CHSY1: variants seen among roughly 807,000 people sequenced by gnomAD.
CHSY1 encodes chondroitin sulfate synthase 1, also known as N-acetylgalactosaminyl-proteoglycan 3-beta-glucuronosyltransferase 1.
A neutral mutation model predicts 59.8 loss-of-function variants in CHSY1; 13 were observed. The ratio of observed to expected loss-of-function variants is 0.22; its 90% CI spans 0.14 to 0.35. The LOEUF is 0.35. CHSY1 is among the 10% of genes least tolerant of loss of function. The pLI, the probability that CHSY1 is intolerant of heterozygous loss-of-function variation, is 1.00. For missense variants in CHSY1, 947 were observed against 1,030.6 expected (o/e 0.92, Z 1.11); for synonymous variants, 459 against 401.2 (o/e 1.14, Z -1.72).
intron 2 of CHSY1, among the ~76,000 whole-genome samples, chr15:101,200,580 C>T (rs374235074): frequency 6.6e-6 from 1 of 152,184 alleles, no homozygotes; most frequent in African/African-American, 2.4e-5. Flanking sequence ...CTAAGAACAC[C>T]TGCCAGCCCC....
At chr15:101,204,481 T>A (rs1026149818) in intron 2 of CHSY1, among the ~76,000 whole-genome samples, 2 of 149,020 alleles carry the variant, frequency 1.3e-5, no homozygotes, top group Non-Finnish European at 3.0e-5. Flanking sequence ...TGTACACTTA[T>A]AGAGAAAATG....
chr15:101,247,754 C>T (rs1342724264), intron 1 of CHSY1, among the ~76,000 whole-genome samples: 3 of 152,036 alleles, frequency 2.0e-5, no homozygotes, highest in South Asian at 4.2e-4. Flanking sequence ...ATCTTGGTGG[C>T]CCCCATCCAT....
At chr15:101,246,164 T>C (rs539054482) in intron 1 of CHSY1, among the ~76,000 whole-genome samples, 2 of 152,312 alleles carry the variant, frequency 1.3e-5, no homozygotes, top group South Asian at 4.1e-4. Flanking sequence ...TGCTAATCTG[T>C]AATGGTGCCC....
intron 2 of CHSY1, among the ~76,000 whole-genome samples, chr15:101,231,011 G>A (rs1054282094): frequency 6.6e-5 from 10 of 152,192 alleles, no homozygotes; most frequent in African/African-American, 1.4e-4. Context: ...GTGTGCGGGT[G>A]TAACATGAAC....
intron 2 of CHSY1, among the ~76,000 whole-genome samples, chr15:101,211,441 T>G (rs1485715879): frequency 6.6e-6 from 1 of 152,310 alleles, no homozygotes; most frequent in Admixed American, 6.5e-5. Context: ...TGAAAAAGAA[T>G]ACTGAAAATA....
chr15:101,207,711 C>T (rs2014190), intron 2 of CHSY1, among the ~76,000 whole-genome samples: 6,230 of 152,342 alleles, frequency 0.041, 352 homozygotes, highest in East Asian at 0.19. Flanking sequence ...AATTTACCAA[C>T]AGGTTTTTAA....
chr15:101,218,853 G>C (rs987669539), intron 2 of CHSY1, among the ~76,000 whole-genome samples: 1 of 152,142 alleles, frequency 6.6e-6, no homozygotes, highest in Admixed American at 6.5e-5. Flanking sequence ...AGAAATGTAA[G>C]AACCAGGAAA....
intron 2 of CHSY1, among the ~76,000 whole-genome samples, chr15:101,197,358 G>A (rs1298431939): frequency 6.6e-6 from 1 of 152,178 alleles, no homozygotes; most frequent in Non-Finnish European, 1.5e-5. Context: ...CTGCCCAAAT[G>A]TAAGTTTAAT....
chr15:101,244,833 TA>T (rs1426640787), intron 1 of CHSY1, among the ~76,000 whole-genome samples: 4 of 152,352 alleles, frequency 2.6e-5, no homozygotes, highest in Admixed American at 2.6e-4. Context: ...ATGAATCAGT[TA>T]AGTCAATTTT....
rs368841607 is a variant in CHSY1, at chr15:101,200,069, G to GCA, written c.817-21091_817-21090dup. Among the ~76,000 whole-genome samples, 496 of 152,298 alleles carry GCA rather than the reference G, an allele frequency of 3.3e-3. 4 individuals carry two copies. Among genetic ancestry groups the GCA allele is most frequent in the East Asian group, 0.028 (147 of 5,190 alleles). On this transcript the variant is annotated intron_variant, in intron 2 of 2. Coordinates refer to ENST00000254190, the MANE Select transcript of CHSY1 (RefSeq NM_014918.5). The stretch of plus-strand genomic sequence containing the variant: ...TACTCACTATATGCCCGGTACTGTG[G>GCA]CAGTTATCCAATATTCTACAACATA...
chr15:101,225,105 G>C (rs1344372159), intron 2 of CHSY1, among the ~76,000 whole-genome samples: 1 of 152,228 alleles, frequency 6.6e-6, no homozygotes, highest in East Asian at 1.9e-4. Flanking sequence ...ACAGCTTACA[G>C]TATTCTGCCT....
At chr15:101,195,358 C>A (rs537445140) in intron 2 of CHSY1, among the ~76,000 whole-genome samples, 1 of 152,226 alleles carries the variant, frequency 6.6e-6, no homozygotes, top group South Asian at 2.1e-4. Context: ...CTAAATAAAA[C>A]CAAGCTATCC....
rs2038836526 is a variant in CHSY1 at position 101,225,887 on chromosome 15, CTA to C, written c.816+9193_816+9194del. Among the ~76,000 whole-genome samples, 3 of 152,182 alleles carry C rather than the reference CTA, an allele frequency of 2.0e-5. No homozygotes were observed. In the South Asian group the frequency reaches 6.2e-4, roughly 32 times the overall value. On this transcript the variant is annotated intron_variant, in intron 2 of 2. Coordinates refer to ENST00000254190, the MANE Select transcript of CHSY1 (RefSeq NM_014918.5). ...AATGTATACAGGAAATGCCACTGTG[CTA>C]TGTCTTAAGATAAAGAAAACGATAT...
chr15:101,176,632 A>G lies in CHSY1; in HGVS notation c.*756T>C. Reference sequence around the variant, plus strand: ...TGCATGGTGAAACCCCGTCTCTACTAAAAATACAAAAAAACTAGCTGGGCG... The same window carrying G: ...TGCATGGTGAAACCCCGTCTCTACTGAAAATACAAAAAAACTAGCTGGGCG... On this transcript the variant is annotated 3_prime_UTR_variant, in exon 3 of 3. Coordinates refer to ENST00000254190, the MANE Select transcript of CHSY1 (RefSeq NM_014918.5). 1 of 366,912 alleles carries G rather than the reference A, an allele frequency of 2.7e-6. No individual in the cohort carries two copies. Among genetic ancestry groups the G allele is most frequent in the Non-Finnish European group, 4.8e-6 (1 of 206,854 alleles). 22.7% of individuals were successfully genotyped at this position (366,912 alleles called of 1,614,324 possible). A position where few individuals can be genotyped will look rare whatever the true frequency, so the allele number is the denominator to read the frequency against.
Position 101,238,499 on chromosome 15 carries a change from T to C in CHSY1, c.321-2922A>G, listed in dbSNP as rs182398867. Among the ~76,000 whole-genome samples, 6 of 152,320 alleles carry C rather than the reference T, an allele frequency of 3.9e-5. No homozygotes were observed. The East Asian group carries it at 9.6e-4, about 24-fold the overall frequency. On this transcript the variant is annotated intron_variant, in intron 1 of 2. Coordinates refer to ENST00000254190, the MANE Select transcript of CHSY1 (RefSeq NM_014918.5). ...GCAAGGATTAAATATATACATTTTTTCATCACATTTAGGATGTTAACTGGA... is the reference window on the plus strand; with the variant it reads ...GCAAGGATTAAATATATACATTTTTCCATCACATTTAGGATGTTAACTGGA...
intron 2 of CHSY1, among the ~76,000 whole-genome samples, chr15:101,228,267 G>T (rs577008107): frequency 6.6e-6 from 1 of 151,870 alleles, no homozygotes; most frequent in African/African-American, 2.4e-5. Flanking sequence ...ACAGCATGAC[G>T]GGCATTCCAA....
rs1206245300 is a variant in CHSY1 at position 101,251,788 on chromosome 15, A to ACGG, written c.-335_-333dup. ...ACGCGGGGCCGGCACGACGGCGACG[A>ACGG]CGGCGGCGGCAGACGAGTCCGGGCT... On this transcript the variant is annotated 5_prime_UTR_variant, in exon 1 of 3. Coordinates refer to ENST00000254190, the MANE Select transcript of CHSY1 (RefSeq NM_014918.5). 3 of 149,102 alleles carry ACGG rather than the reference A, an allele frequency of 2.0e-5. No individual in the cohort carries two copies. The highest frequency in any genetic ancestry group is 4.5e-5 in the Non-Finnish European group (3 of 67,172). The allele number at this position is 149,102 out of a possible 1,614,324, so 9.2% of individuals were successfully genotyped here.
rs114785049 is a variant in CHSY1, at chr15:101,241,120, G to A, written c.321-5543C>T. The stretch of plus-strand genomic sequence containing the variant: ...GTCTTTTTTTTTGTTTTCTGAGACG[G>A]AGTCTGGCCCTGTCGCCCAGGCTGG... On this transcript the variant is annotated intron_variant, in intron 1 of 2. Coordinates refer to ENST00000254190, the MANE Select transcript of CHSY1 (RefSeq NM_014918.5). Among the ~76,000 whole-genome samples the A allele has an allele frequency of 7.1e-3, 1,076 of 152,294 alleles. 15 individuals are homozygous for A. The highest frequency in any genetic ancestry group is 0.025 in the African/African-American group (1,038 of 41,562).
At chr15:101,244,030 C>T (rs2039028028) in intron 1 of CHSY1, among the ~76,000 whole-genome samples, 1 of 152,218 alleles carries the variant, frequency 6.6e-6, no homozygotes, top group African/African-American at 2.4e-5. Context: ...TCAGAGCAGA[C>T]TGGACCTTAT....
Sources: gnomAD v4.1 joint callset for allele counts (sites outside exome capture counted in the v4.1 genomes callset) on GRCh38, gnomAD v4.1.1 for gene constraint, MANE v1.5 for transcripts, NCBI Gene and HGNC (gene_info 2026-07-23, HGNC 2026-07-21) for gene names.